TOPAZ1: variants seen among roughly 807,000 people sequenced by gnomAD.
TOPAZ1 encodes protein TOPAZ1.
A neutral mutation model predicts 172.2 loss-of-function variants in TOPAZ1; 66 were observed. That is an observed-to-expected ratio of 0.38 (90% CI 0.31 to 0.47). The LOEUF (loss-of-function observed/expected upper bound fraction) is 0.47. Among genes scored for constraint, TOPAZ1 ranks in the 20% least tolerant of loss-of-function variants. The pLI, the probability that TOPAZ1 is intolerant of heterozygous loss-of-function variation, is 0.99. For synonymous variants in TOPAZ1, 681 were observed against 683.9 expected (o/e 1.00, Z 0.07); for missense variants, 1,822 against 1,972.4 (o/e 0.92, Z 1.44).
At position 44,243,989 on chromosome 3, in the gene TOPAZ1, C is replaced by T. The variant is rs535996097; in HGVS notation, c.1483C>T (p.Pro495Ser). Residue 495 changes from proline to serine, a missense_variant, in exon 2 of 20, where the codon CCC becomes TCC. Coordinates refer to ENST00000309765, the MANE Select transcript of TOPAZ1 (RefSeq NM_001145030.2). The stretch of plus-strand genomic sequence containing the variant: ...ACCTATGACTGGTAAAAGAACTTGG[C>T]CCTATTATTCATGTGCTAGAATATC... ...TIPMTGKRTW[P>S]YYSCARISAW... is the part of the protein sequence containing the mutation. The T allele has an allele frequency of 1.8e-5, 28 of 1,552,160 alleles. No individual in the cohort carries two copies. In the South Asian group the frequency reaches 2.6e-4, roughly 15 times the overall value.
downstream of TOPAZ1, among the ~76,000 whole-genome samples, chr3:44,334,723 T>C (rs1700705490): frequency 6.6e-6 from 1 of 152,192 alleles, no homozygotes; most frequent in African/African-American, 2.4e-5. Context: ...TGAGAAGGTG[T>C]GTGTAGCCAT....
At chr3:44,315,105 G>GTGGA (rs34398632) in intron 16 of TOPAZ1, among the ~76,000 whole-genome samples, 15,424 of 149,934 alleles carry the variant, frequency 0.1, 1,009 homozygotes, top group Non-Finnish European at 0.15. Flanking sequence ...ATTAGTTGAG[G>GTGGA]TGGATGGATG....
In TOPAZ1 at chr3:44,282,436, G is replaced by T. The variant is rs147791514; in HGVS notation, c.3436+405G>T. On this transcript the variant is annotated intron_variant, in intron 9 of 19. Coordinates refer to ENST00000309765, the MANE Select transcript of TOPAZ1 (RefSeq NM_001145030.2). The stretch of plus-strand genomic sequence containing the variant: ...AAGTTCTGTGCAGTTCCCTATACAT[G>T]CCAGGCTGTGTTCAAACTTCAAGGC... Among the ~76,000 whole-genome samples the T allele has an allele frequency of 2.2e-3, 339 of 152,194 alleles. 2 individuals carry two copies. The highest frequency in any genetic ancestry group is 7.7e-3 in the African/African-American group (320 of 41,516).
At position 44,270,761 on chromosome 3, in the gene TOPAZ1, A is replaced by G. The variant is rs1699886569; in HGVS notation, c.3323A>G (p.Glu1108Gly). 1.3e-6 allele frequency: 2 copies of G among 1,551,128 alleles called. No homozygotes were observed. The highest frequency in any genetic ancestry group is 1.7e-6 in the Non-Finnish European group (2 of 1,146,600). The change falls in exon 8 of 20, where the codon GAG becomes GGG. Residue 1108 changes from glutamate to glycine, a missense_variant. Glu to Gly is a moderately conservative substitution (Grantham distance 98, BLOSUM62 -2). Transcript: ENST00000309765. ...CATTTTAATACATTACGTGGCTGTG[A>G]GCGACCACTGTGCAAGTTTGCTCAT... ...KFHFNTLRGCERPLCKFAHVP... is the reference protein window; with the variant it reads ...KFHFNTLRGCGRPLCKFAHVP...
intron 7 of TOPAZ1, among the ~76,000 whole-genome samples, chr3:44,269,974 G>A (rs1354082424): frequency 6.6e-6 from 1 of 152,142 alleles, no homozygotes; most frequent in Non-Finnish European, 1.5e-5. Flanking sequence ...TTGAATGGAG[G>A]TTTGTGGTAA....
intron 2 of TOPAZ1, among the ~76,000 whole-genome samples, chr3:44,249,135 A>G (rs113392493): frequency 2.0e-5 from 3 of 152,230 alleles, no homozygotes; most frequent in African/African-American, 4.8e-5. Context: ...GTACTAGAAC[A>G]TAGGATTATT....
At chr3:44,335,946 C>T (rs973004108), downstream of TOPAZ1, among the ~76,000 whole-genome samples, 2 of 152,140 alleles carry the variant, frequency 1.3e-5, no homozygotes, top group Non-Finnish European at 2.9e-5. Flanking sequence ...CCACAATTGT[C>T]ACGTTTAAGA....
chr3:44,257,666 C>T (rs1025318946), intron 4 of TOPAZ1, among the ~76,000 whole-genome samples: 6 of 151,674 alleles, frequency 4.0e-5, no homozygotes, highest in East Asian at 1.9e-4. Context: ...AATAGAGATT[C>T]ACAGGAAGTT....
chr3:44,320,977 A>C, intron 16 of TOPAZ1, 50 bp from the exon 17 acceptor site: 2 of 1,194,714 alleles, frequency 1.7e-6, no homozygotes, highest in South Asian at 2.9e-5. Flanking sequence ...TTATACTGTT[A>C]AGTGTCATTT....
At chr3:44,268,334 A>C (rs966801438) in intron 6 of TOPAZ1, among the ~76,000 whole-genome samples, 1 of 149,854 alleles carries the variant, frequency 6.7e-6, no homozygotes, top group African/African-American at 2.4e-5. Context: ...TGGTGTGTGC[A>C]AGGAAAGAGT....
intron 12 of TOPAZ1, among the ~76,000 whole-genome samples, chr3:44,298,929 T>TTTTTTG (rs1559541961): frequency 1.9e-5 from 1 of 52,534 alleles, no homozygotes; most frequent in African/African-American, 6.5e-5. Flanking sequence ...TTTTTTTTTT[T>TTTTTTG]TTTTTCCCCC....
chr3:44,319,829 G>A (rs558770166), intron 16 of TOPAZ1, among the ~76,000 whole-genome samples: 1 of 152,096 alleles, frequency 6.6e-6, no homozygotes, highest in South Asian at 2.1e-4. Flanking sequence ...CTTTTGTCAT[G>A]ATATATTTGA....
chr3:44,248,777 G>A (rs977561564), intron 2 of TOPAZ1, among the ~76,000 whole-genome samples: 4 of 152,200 alleles, frequency 2.6e-5, no homozygotes, highest in East Asian at 1.9e-4. Context: ...AGATGAAAGG[G>A]TGAGGCCCAT....
chr3:44,304,617 T>C (rs1396051774), intron 13 of TOPAZ1, among the ~76,000 whole-genome samples: 1 of 152,222 alleles, frequency 6.6e-6, no homozygotes. Context: ...TTTTTCTTGA[T>C]GTGAACAACT....
In TOPAZ1 at chr3:44,245,066, C is replaced by G; in HGVS notation, c.2560C>G (p.Leu854Val). ...TTCAGAGGTAGGGTTTCCAGATATT[C>G]TTAAAGCATATGAAGATGACGTCCT... is the stretch of plus-strand genomic sequence containing the variant. The part of the protein sequence containing the change: ...NFSEVGFPDI[L>V]KAYEDDVLLI... The change falls in exon 2 of 20, where the codon CTT (leucine) becomes GTT (valine). Residue 854 changes from leucine to valine, a missense_variant. Around this residue, in one of 2 missense-constraint regions of TOPAZ1, gnomAD observed 1,489 missense variants for 1,490.8 expected, o/e 1.00. Coordinates refer to ENST00000309765, the MANE Select transcript of TOPAZ1 (RefSeq NM_001145030.2). 6.4e-7 allele frequency: 1 copy of G among 1,551,630 alleles called. No homozygotes were observed. Among genetic ancestry groups the G allele is most frequent in the South Asian group, 1.2e-5 (1 of 84,032 alleles).
chr3:44,266,296 C>T (rs1699829676), intron 5 of TOPAZ1, among the ~76,000 whole-genome samples: 1 of 152,164 alleles, frequency 6.6e-6, no homozygotes, highest in Admixed American at 6.5e-5. Flanking sequence ...AAGACTGTTT[C>T]ACTTTCTTTT....
chr3:44,292,953 C>T (rs922442727), intron 12 of TOPAZ1, among the ~76,000 whole-genome samples: 11 of 152,096 alleles, frequency 7.2e-5, no homozygotes, highest in African/African-American at 2.7e-4. Flanking sequence ...TACCCTCTGC[C>T]CCTTTCTGTG....
chr3:44,319,090 C>A (rs560720129), intron 16 of TOPAZ1, among the ~76,000 whole-genome samples: 16 of 152,112 alleles, frequency 1.1e-4, no homozygotes, highest in African/African-American at 3.6e-4. Flanking sequence ...TATAGCTTGA[C>A]CCCTTCCCCC....
At position 44,241,899 on chromosome 3, in the gene TOPAZ1, C is replaced by T. The variant is rs1699479238; in HGVS notation, c.-155C>T. The stretch of plus-strand genomic sequence containing the variant: ...ACACGAGGCCCCACTTCCGCTTACG[C>T]GCCCCACTTCCGCTTCCGGCCCCGG... On this transcript the variant is annotated 5_prime_UTR_variant, in exon 1 of 20. Coordinates refer to ENST00000309765, the MANE Select transcript of TOPAZ1 (RefSeq NM_001145030.2). The T allele has an allele frequency of 2.8e-6, 2 of 717,090 alleles. No individual in the cohort carries two copies. The highest frequency in any genetic ancestry group is 1.9e-5 in the African/African-American group (1 of 52,774). The allele number at this position is 717,090 out of a possible 1,614,324, so 44.4% of individuals were successfully genotyped here.
Sources: gnomAD v4.1 joint callset for allele counts (sites outside exome capture counted in the v4.1 genomes callset) on GRCh38, gnomAD v4.1.1 for gene constraint, gnomAD v4.1.1 regional missense constraint, MANE v1.5 for transcripts, NCBI Gene and HGNC (gene_info 2026-07-23, HGNC 2026-07-21) for gene names.